TCF20: variants seen among roughly 807,000 people sequenced by gnomAD.
TCF20 encodes the protein SPRE-binding protein.
TCF20 carries 3 observed loss-of-function variants against 148.6 expected under a neutral mutation model. The observed-to-expected ratio is 0.02, with a 90% CI of 0.01 to 0.05. TCF20 has a LOEUF of 0.05. Ranked by LOEUF, TCF20 falls within the 10% of genes least tolerant of loss-of-function variation. The pLI is 1.00. For missense variants in TCF20, 2,350 were observed against 2,429.3 expected, an observed-to-expected ratio of 0.97 and a Z score of 0.69; for synonymous variants, 1,049 against 909.5, an observed-to-expected ratio of 1.15 and a Z score of -2.76.
At chr22:42,182,614 C>T (rs1462147339) in intron 2 of TCF20, among the ~76,000 whole-genome samples, 2 of 152,224 alleles carry the variant, frequency 1.3e-5, no homozygotes, top group Non-Finnish European at 2.9e-5. Flanking sequence ...GAAAGACTCT[C>T]AGGCTGTATT....
intron 1 of TCF20, among the ~76,000 whole-genome samples, chr22:42,309,864 C>A (rs4822108): frequency 0.39 from 58,916 of 152,020 alleles, 11,869 homozygotes; most frequent in Middle Eastern, 0.48. Context: ...AAGAAAAACA[C>A]AAACTGCCTG....
intron 1 of TCF20, among the ~76,000 whole-genome samples, chr22:42,225,831 G>A (rs978792130): frequency 3.3e-5 from 5 of 152,054 alleles, no homozygotes; most frequent in African/African-American, 1.2e-4. Context: ...CCACACACAG[G>A]GTTGTTGGAC....
At chr22:42,313,649 G>C (rs1047374631) in intron 1 of TCF20, among the ~76,000 whole-genome samples, 1 of 147,244 alleles carries the variant, frequency 6.8e-6, no homozygotes, top group Non-Finnish European at 1.5e-5. Context: ...GCCCCAGCTG[G>C]AGTGCAGGGG....
chr22:42,255,517 A>C (rs2147361073), intron 1 of TCF20, among the ~76,000 whole-genome samples: 1 of 151,584 alleles, frequency 6.6e-6, no homozygotes, highest in South Asian at 2.1e-4. Context: ...AACAACAACA[A>C]CAACAACAAC....
chr22:42,298,060 ACT>A (rs1927267067), intron 1 of TCF20, among the ~76,000 whole-genome samples: 2 of 152,188 alleles, frequency 1.3e-5, no homozygotes, highest in African/African-American at 4.8e-5. Context: ...AGGCATCACC[ACT>A]GTCTCCATTT....
At chr22:42,216,423 G>A (rs183838140) in intron 1 of TCF20, among the ~76,000 whole-genome samples, 1 of 152,222 alleles carries the variant, frequency 6.6e-6, no homozygotes, top group African/African-American at 2.4e-5. Context: ...TACCTGTGAT[G>A]ACTGGTGACT....
intron 1 of TCF20, among the ~76,000 whole-genome samples, chr22:42,259,995 A>G (rs1925943433): frequency 6.6e-6 from 1 of 152,222 alleles, no homozygotes; most frequent in South Asian, 2.1e-4. Context: ...TAAAGAATAA[A>G]TTCAGACTAT....
chr22:42,255,065 C>A (rs1186570977), intron 1 of TCF20, among the ~76,000 whole-genome samples: 1 of 151,478 alleles, frequency 6.6e-6, no homozygotes, highest in East Asian at 1.9e-4. Context: ...TGACCTTGGG[C>A]AAGTCACTCA....
At chr22:42,186,673 T>C (rs1003214116) in intron 2 of TCF20, among the ~76,000 whole-genome samples, 3 of 152,196 alleles carry the variant, frequency 2.0e-5, no homozygotes, top group Admixed American at 2.0e-4. Flanking sequence ...TCCGACGGTG[T>C]GGAAGGTCAG....
intron 1 of TCF20, among the ~76,000 whole-genome samples, chr22:42,230,947 T>C (rs1161322582): frequency 6.6e-6 from 1 of 151,096 alleles, no homozygotes; most frequent in Non-Finnish European, 1.5e-5. Context: ...TCACATGGGG[T>C]CTGGAATTCC....
At chr22:42,260,859 T>C (rs933224711) in intron 1 of TCF20, among the ~76,000 whole-genome samples, 2 of 152,194 alleles carry the variant, frequency 1.3e-5, no homozygotes, top group African/African-American at 4.8e-5. Context: ...GGAAAAGGAA[T>C]CTAGAACAAT....
intron 1 of TCF20, among the ~76,000 whole-genome samples, chr22:42,242,218 A>AAAAAAAAAAAAAAAAAAAAAAAAAC (rs1555942526): frequency 3.5e-5 from 5 of 142,584 alleles, no homozygotes; most frequent in Non-Finnish European, 3.0e-5. Context: ...AAAAAAAAAA[A>AAAAAAAAAAAAAAAAAAAAAAAAAC]AAAAAAAAAC....
At chr22:42,188,766 C>A (rs571188935) in intron 2 of TCF20, among the ~76,000 whole-genome samples, 2 of 152,280 alleles carry the variant, frequency 1.3e-5, no homozygotes, top group South Asian at 4.1e-4. Flanking sequence ...TCTTTTTATT[C>A]ATTCTACAAA....
intron 1 of TCF20, among the ~76,000 whole-genome samples, chr22:42,289,794 G>A (rs1429592003): frequency 1.3e-5 from 2 of 152,030 alleles, no homozygotes; most frequent in African/African-American, 2.4e-5. Context: ...AGCCTGCCCC[G>A]GGCACAGCTG....
At chr22:42,261,350 T>C (rs1926017986) in intron 1 of TCF20, among the ~76,000 whole-genome samples, 1 of 152,228 alleles carries the variant, frequency 6.6e-6, no homozygotes, top group Non-Finnish European at 1.5e-5. Flanking sequence ...ACCTAGAAAT[T>C]AAACTGCTGG....
chr22:42,262,141 G>A (rs1320615941), intron 1 of TCF20, among the ~76,000 whole-genome samples: 1 of 152,212 alleles, frequency 6.6e-6, no homozygotes, highest in African/African-American at 2.4e-5. Flanking sequence ...CCATGTGGGG[G>A]AGTTTGGAAT....
intron 1 of TCF20, among the ~76,000 whole-genome samples, chr22:42,255,294 GACCA>G (rs1925669862): frequency 6.6e-6 from 1 of 151,850 alleles, no homozygotes; most frequent in Non-Finnish European, 1.5e-5. Flanking sequence ...AGACCATCTT[GACCA>G]ACATGGTAAA....
At chr22:42,304,864 G>A (rs758216409) in intron 1 of TCF20, among the ~76,000 whole-genome samples, 1 of 152,092 alleles carries the variant, frequency 6.6e-6, no homozygotes, top group Non-Finnish European at 1.5e-5. Flanking sequence ...CTAAGGTCGG[G>A]CGCTGGGGCC....
rs1465688329 is a variant in TCF20, at chr22:42,215,242, G to A, written c.64C>T (p.His22Tyr). Residue 22 changes from histidine (H) to tyrosine (Y), a missense_variant, in exon 2 of 6, where the codon CAC becomes TAC. This residue lies in a region of TCF20 where 1,641 missense variants were observed against 1,662.6 expected (regional missense o/e 0.99). Transcript: ENST00000677622. ...GNQQSYPQEVHGSSRLEEFSP... is the reference protein window; with the variant it reads ...GNQQSYPQEVYGSSRLEEFSP... ...AACTCTTCTAGCCGGGATGAGCCGT[G>A]TACCTCCTGTGGGTAGCTTTGCTGG... 1 of 1,614,186 alleles carries A rather than the reference G, an allele frequency of 6.2e-7. No individual in the cohort carries two copies. The highest frequency in any genetic ancestry group is 1.7e-5 in the Admixed American group (1 of 60,022).
Sources: allele counts gnomAD v4.1 joint callset (sites outside exome capture counted in the v4.1 genomes callset), GRCh38; gene constraint gnomAD v4.1.1; regional missense constraint gnomAD v4.1.1; transcripts MANE v1.5; gene names NCBI Gene and HGNC (gene_info 2026-07-23, HGNC 2026-07-21).